Variants in PREX2 observed in about 807,000 individuals in gnomAD.
PREX2 encodes phosphatidylinositol 3,4,5-trisphosphate-dependent Rac exchanger 2 protein.
PREX2 carries 107 observed loss-of-function variants against 203.2 expected under a neutral mutation model. The observed-to-expected ratio is 0.53, with a 90% confidence interval of 0.45 to 0.62. The LOEUF (loss-of-function observed/expected upper bound fraction) is 0.62, where lower values mean the gene tolerates loss of function less well. Ranked by LOEUF, PREX2 falls within the 20% of genes least tolerant of loss-of-function variation. The pLI, the probability that PREX2 is intolerant of heterozygous loss-of-function variation, is 0.00. For synonymous variants in PREX2, 672 were observed against 663.6 expected, an observed-to-expected ratio of 1.01 and a Z score of -0.19; for missense variants, 1,777 against 1,955.9, an observed-to-expected ratio of 0.91 and a Z score of 1.72.
intron 37 of PREX2, among the ~76,000 whole-genome samples, chr8:68,206,113 A>C (rs2129615003): frequency 6.6e-6 from 1 of 152,318 alleles, no homozygotes. Context: ...TAGAGTAGAA[A>C]GAGTCCTAGA....
chr8:68,124,935 T>TA (rs111822356), intron 30 of PREX2, among the ~76,000 whole-genome samples: 7,430 of 152,158 alleles, frequency 0.049, 544 homozygotes, highest in African/African-American at 0.16. Flanking sequence ...CTGTAGAATT[T>TA]AGTTGCATCT....
At chr8:68,065,863 A>C (rs149484535) in intron 11 of PREX2, among the ~76,000 whole-genome samples, 2 of 152,202 alleles carry the variant, frequency 1.3e-5, no homozygotes, top group Non-Finnish European at 2.9e-5. Flanking sequence ...GAAAAAGAGA[A>C]AGCGTAGAGA....
At chr8:68,158,119 A>ATG (rs1811580086) in intron 35 of PREX2, among the ~76,000 whole-genome samples, 2 of 136,016 alleles carry the variant, frequency 1.5e-5, no homozygotes, top group Non-Finnish European at 3.0e-5. Flanking sequence ...GTGTGTATAT[A>ATG]TATGTATATA....
chr8:68,192,942 T>C (rs1812326690), intron 37 of PREX2, among the ~76,000 whole-genome samples: 1 of 152,210 alleles, frequency 6.6e-6, no homozygotes, highest in Non-Finnish European at 1.5e-5. Context: ...AGCTAGATGC[T>C]GCTTGGAGTT....
chr8:67,952,195 C>A lies in PREX2; in HGVS notation c.-200C>A, dbSNP rs1326776030. Reference sequence around the variant, plus strand: ...GGAGTTTCCTCTGCAGAGCCCCGCGCCCCCCGCGCCGGGATTTCAGCCCGA... The same window carrying A: ...GGAGTTTCCTCTGCAGAGCCCCGCGACCCCCGCGCCGGGATTTCAGCCCGA... On this transcript the variant is annotated 5_prime_UTR_variant, in exon 1 of 40. Coordinates refer to ENST00000288368, the MANE Select transcript of PREX2 (RefSeq NM_024870.4). The A allele has an allele frequency of 4.9e-6, 2 of 410,570 alleles. No individual in the cohort carries two copies. Among genetic ancestry groups the A allele is most frequent in the South Asian group, 9.7e-5 (1 of 10,348 alleles). The allele number at this position is 410,570 out of a possible 1,614,324, so 25.4% of individuals were successfully genotyped here.
chr8:68,228,622 T>C (rs1019941249), intron 39 of PREX2, among the ~76,000 whole-genome samples: 3 of 151,638 alleles, frequency 2.0e-5, no homozygotes. Flanking sequence ...AAAAATTAGC[T>C]GGGCATGGTG....
chr8:68,037,782 G>A (rs1046890417), intron 6 of PREX2, among the ~76,000 whole-genome samples: 1 of 152,100 alleles, frequency 6.6e-6, no homozygotes, highest in Non-Finnish European at 1.5e-5. Flanking sequence ...TGTGGAGGCT[G>A]TTTTTCCCAC....
chr8:68,140,368 A>C (rs1490271368), intron 33 of PREX2, among the ~76,000 whole-genome samples: 1 of 152,256 alleles, frequency 6.6e-6, no homozygotes, highest in African/African-American at 2.4e-5. Context: ...CACTAAAAAC[A>C]GCGAAGATAG....
At chr8:68,067,861 T>A (rs1241028722) in intron 11 of PREX2, among the ~76,000 whole-genome samples, 1 of 152,046 alleles carries the variant, frequency 6.6e-6, no homozygotes, top group Admixed American at 6.5e-5. Context: ...TCATATATGA[T>A]CTTTATTATG....
chr8:68,236,593 A>G lies in PREX2; in HGVS notation c.*5215A>G, dbSNP rs1419103064. On this transcript the variant is annotated 3_prime_UTR_variant, in exon 40 of 40. Coordinates refer to ENST00000288368, the MANE Select transcript of PREX2 (RefSeq NM_024870.4). ...AATATGCATTTGAATTTGAATATCT[A>G]ATGCCTCAAGCAAATTTATTAGAGT... is the stretch of plus-strand genomic sequence containing the variant. The G allele has an allele frequency of 1.3e-5, 2 of 152,178 alleles. No homozygotes were observed. Among genetic ancestry groups the G allele is most frequent in the Non-Finnish European group, 2.9e-5 (2 of 68,018 alleles). The allele number at this position is 152,178 out of a possible 1,614,324, so 9.4% of individuals were successfully genotyped here.
intron 34 of PREX2, among the ~76,000 whole-genome samples, chr8:68,155,311 T>C (rs1811522319): frequency 6.6e-6 from 1 of 152,170 alleles, no homozygotes; most frequent in South Asian, 2.1e-4. Context: ...ACAAATTTCA[T>C]TTTCTGTACT....
rs1291560005 is a variant in PREX2 at position 68,093,686 on chromosome 8, G to A, written c.2332G>A (p.Asp778Asn). The A allele has an allele frequency of 6.2e-7, 1 of 1,606,346 alleles. No individual in the cohort carries two copies. Among genetic ancestry groups the A allele is most frequent in the Non-Finnish European group, 8.5e-7 (1 of 1,173,140 alleles). ...AAAATCTCACTCCAAGCCCCCTGGA[G>A]ATGAAGCAGGGGATGCTTTTGACTG... Reference protein sequence around the residue: ...LQKSHSKPPGDEAGDAFDCKV... With the variant: ...LQKSHSKPPGNEAGDAFDCKV... Residue 778 changes from aspartate to asparagine, a missense_variant, in exon 21 of 40, where the codon GAT (aspartate) becomes AAT (asparagine). Physicochemically the swap from Asp to Asn is conservative, Grantham distance 23. Coordinates refer to ENST00000288368, the MANE Select transcript of PREX2 (RefSeq NM_024870.4).
At chr8:68,137,266 T>C (rs1811131532) in intron 32 of PREX2, among the ~76,000 whole-genome samples, 2 of 151,394 alleles carry the variant, frequency 1.3e-5, no homozygotes, top group South Asian at 4.2e-4. Flanking sequence ...AAAGGATCAT[T>C]GACATTTTAT....
chr8:67,964,127 C>CT (rs951764198), intron 1 of PREX2, among the ~76,000 whole-genome samples: 12 of 152,298 alleles, frequency 7.9e-5, no homozygotes, highest in African/African-American at 2.9e-4. Context: ...TTGAAGCTGA[C>CT]TTACCACTAC....
intron 8 of PREX2, among the ~76,000 whole-genome samples, chr8:68,052,727 AT>A (rs1808559232): frequency 6.6e-6 from 1 of 152,218 alleles, no homozygotes; most frequent in Admixed American, 6.5e-5. Context: ...CATTAGAAAG[AT>A]AAAATAAATA....
intron 22 of PREX2, among the ~76,000 whole-genome samples, chr8:68,098,289 A>G (rs1810146903): frequency 6.6e-6 from 1 of 152,214 alleles, no homozygotes; most frequent in South Asian, 2.1e-4. Flanking sequence ...TGTTTAAAAT[A>G]TGAATAGTTG....
intron 1 of PREX2, among the ~76,000 whole-genome samples, chr8:68,002,040 T>TGTTA (rs1806951961): frequency 6.6e-6 from 1 of 151,540 alleles, no homozygotes; most frequent in African/African-American, 2.4e-5. Flanking sequence ...GACACAAGTT[T>TGTTA]CCCTATGTAA....
At chr8:67,960,442 T>G (rs980385138) in intron 1 of PREX2, among the ~76,000 whole-genome samples, 1 of 152,234 alleles carries the variant, frequency 6.6e-6, no homozygotes, top group East Asian at 1.9e-4. Flanking sequence ...CAGACCAGCT[T>G]GAGAGTCACC....
At chr8:68,143,266 C>T (rs1243924749) in intron 33 of PREX2, among the ~76,000 whole-genome samples, 1 of 148,668 alleles carries the variant, frequency 6.7e-6, no homozygotes, top group Non-Finnish European at 1.5e-5. Context: ...TGTGCCTTCC[C>T]CCTGGTACTG....
Sources: allele counts gnomAD v4.1 joint callset (sites outside exome capture counted in the v4.1 genomes callset), GRCh38; gene constraint gnomAD v4.1.1; transcripts MANE v1.5; gene names NCBI Gene and HGNC (gene_info 2026-07-23, HGNC 2026-07-21).